Variants in C12orf76 observed in about 807,000 individuals in gnomAD.
C12orf76 encodes the protein chromosome 12 open reading frame 76, also known as uncharacterized protein C12orf76.
In C12orf76, 6 loss-of-function variants were observed where a neutral mutation model predicts 6.8. The observed-to-expected ratio is 0.88, with a 90% CI of 0.48 to 1.73. The LOEUF is 1.73. C12orf76 is among the 40% of genes most tolerant of loss of function. C12orf76 has a pLI of 0.01. For missense variants in C12orf76, 99 were observed against 98.2 expected, an observed-to-expected ratio of 1.01 and a Z score of -0.03; for synonymous variants, 56 against 43.7, an observed-to-expected ratio of 1.28 and a Z score of -1.11.
At chr12:110,055,793 G>T (rs118023921) in intron 4 of C12orf76, among the ~76,000 whole-genome samples, 46 of 152,290 alleles carry the variant, frequency 3.0e-4, no homozygotes, top group Non-Finnish European at 6.0e-4. Context: ...GTCTTCTTGT[G>T]CTGAGTCAGT....
intron 4 of C12orf76, among the ~76,000 whole-genome samples, chr12:110,055,742 G>A (rs1892656389): frequency 1.3e-5 from 2 of 152,152 alleles, no homozygotes; most frequent in Non-Finnish European, 2.9e-5. Flanking sequence ...TGTGCCAGGA[G>A]TGCTGATTGG....
At chr12:110,064,132 T>G (rs536637251) in intron 2 of C12orf76, among the ~76,000 whole-genome samples, 61 of 152,242 alleles carry the variant, frequency 4.0e-4, no homozygotes, top group African/African-American at 1.5e-3. Context: ...GTGGGGCCCT[T>G]TAAGGCATGG....
upstream of C12orf76, among the ~76,000 whole-genome samples, chr12:110,070,560 C>T (rs1178300430): frequency 1.3e-5 from 2 of 152,158 alleles, no homozygotes; most frequent in Non-Finnish European, 2.9e-5. Flanking sequence ...GTGTGACCCT[C>T]TCTCACTTTT....
At chr12:110,066,812 G>C (rs1892874883) in intron 1 of C12orf76, among the ~76,000 whole-genome samples, 2 of 152,240 alleles carry the variant, frequency 1.3e-5, no homozygotes, top group Non-Finnish European at 2.9e-5. Flanking sequence ...AGGAGGCCCA[G>C]ACCCACAGGT....
chr12:110,042,492 C>T, intron 1 of C12orf76, 33 bp from the exon 2 acceptor site: 1 of 1,432,854 alleles, frequency 7.0e-7, no homozygotes, highest in Non-Finnish European at 9.8e-7. Context: ...TTCCTAATGG[C>T]AGCTCCAGGT....
At chr12:110,055,602 TAGA>T (rs1319959082) in intron 4 of C12orf76, among the ~76,000 whole-genome samples, 13 of 152,120 alleles carry the variant, frequency 8.5e-5, no homozygotes, top group Non-Finnish European at 1.8e-4. Flanking sequence ...GGAATTGCAA[TAGA>T]AGAAGAGTAA....
intron 1 of C12orf76, among the ~76,000 whole-genome samples, chr12:110,044,897 C>G (rs974344653): frequency 6.6e-6 from 1 of 151,758 alleles, no homozygotes; most frequent in African/African-American, 2.4e-5. Flanking sequence ...TTCTTGAACC[C>G]GGGAGGCGGA....
chr12:110,055,077 T>G (rs1456369398), intron 4 of C12orf76, among the ~76,000 whole-genome samples: 5 of 152,220 alleles, frequency 3.3e-5, no homozygotes, highest in African/African-American at 1.2e-4. Context: ...GATGATGGTA[T>G]GTGGGTGTTA....
chr12:110,057,286 C>T (rs758559748), exon 4 of C12orf76: 5 of 1,611,076 alleles, frequency 3.1e-6, no homozygotes, highest in Non-Finnish European at 4.2e-6. Flanking sequence ...TTCCTCTCCC[C>T]CTTACAGCTC....
At chr12:110,054,022 C>A (rs553244982), upstream of C12orf76, among the ~76,000 whole-genome samples, 60 of 152,086 alleles carry the variant, frequency 3.9e-4, no homozygotes, top group African/African-American at 1.4e-3. This position sits in a 1 kb window ranked among gnomAD's most constrained non-coding sequence, Gnocchi z 4.4. Context: ...CTATGGTAAG[C>A]TGTGATTGCA....
In C12orf76 at chr12:110,059,055, A is replaced by T. The variant is rs372098050; in HGVS notation, n.489T>A. The T allele has an allele frequency of 1.4e-5, 21 of 1,551,616 alleles. No homozygotes were observed. In the African/African-American group the frequency reaches 2.5e-4, roughly 18 times the overall value. On this transcript the variant is annotated non_coding_transcript_exon_variant, in exon 3 of 5. Transcript: ENST00000309050. ...GAAGCTTGTCCAAGGTCACATGGTA[A>T]ACAGCAGCGCCAGCTCTGAACGCAG...
chr12:110,056,997 C>A (rs1253413839), intron 4 of C12orf76: 1 of 590,694 alleles, frequency 1.7e-6, no homozygotes, highest in East Asian at 2.8e-5. Context: ...AAGGGGCACT[C>A]ACAGGCAAGT....
At chr12:110,049,470 TG>T (rs2137222098), upstream of C12orf76, 1 of 152,292 alleles carries the variant, frequency 6.6e-6, no homozygotes, top group Non-Finnish European at 1.5e-5. Flanking sequence ...GGATAGGCGG[TG>T]AAGTTAAGAG....
chr12:110,058,884 C>T (rs1892721554), intron 3 of C12orf76: 2 of 1,320,698 alleles, frequency 1.5e-6, no homozygotes, highest in Non-Finnish European at 2.0e-6. Flanking sequence ...AACCACTCTT[C>T]TAAGTCTATT....
chr12:110,044,898 G>A (rs1258161589), intron 1 of C12orf76, among the ~76,000 whole-genome samples: 6 of 151,762 alleles, frequency 4.0e-5, no homozygotes, highest in South Asian at 2.1e-4. Context: ...TCTTGAACCC[G>A]GGAGGCGGAG....
exon 1 of C12orf76, chr12:110,067,585 G>A (rs564229558): frequency 7.7e-5 from 76 of 985,298 alleles, no homozygotes; most frequent in Admixed American, 1.2e-4. Flanking sequence ...ACACTGCTCC[G>A]TCATCTTCTC....
upstream of C12orf76, among the ~76,000 whole-genome samples, chr12:110,053,236 C>T (rs528548449): frequency 5.9e-5 from 9 of 151,716 alleles, no homozygotes; most frequent in Middle Eastern, 3.4e-3. Flanking sequence ...CGGTGGCTCA[C>T]GCCTGTAATC....
At chr12:110,062,655 T>C (rs1190721300) in intron 2 of C12orf76, among the ~76,000 whole-genome samples, 3 of 151,610 alleles carry the variant, frequency 2.0e-5, no homozygotes, top group East Asian at 3.9e-4. Flanking sequence ...GGTCTCACTC[T>C]GTCGCCTAGG....
intron 3 of C12orf76, among the ~76,000 whole-genome samples, chr12:110,058,670 C>CA (rs1225747805): frequency 2.0e-5 from 3 of 150,914 alleles, no homozygotes; most frequent in East Asian, 3.9e-4. Context: ...ACTCTCTCTC[C>CA]AAAAAAAAGA....
Sources: gnomAD v4.1 joint callset for allele counts (sites outside exome capture counted in the v4.1 genomes callset) on GRCh38, gnomAD v4.1.1 for gene constraint, Gnocchi (gnomAD v3.1) non-coding constraint, MANE v1.5 for transcripts, NCBI Gene and HGNC (gene_info 2026-07-23, HGNC 2026-07-21) for gene names.